The following CALN1 variants were observed in gnomAD, a reference collection of about 807,000 sequenced individuals.
The protein encoded by CALN1 is calneuron 1, also known as calcium-binding protein 8.
CALN1 carries 17 observed loss-of-function variants against 30.6 expected under a neutral mutation model. That is an observed-to-expected ratio of 0.56 (90% confidence interval 0.38 to 0.83). The LOEUF (loss-of-function observed/expected upper bound fraction) is 0.83, where lower values mean the gene tolerates loss of function less well. Among genes scored for constraint, CALN1 ranks in the 40% least tolerant of loss-of-function variants. The pLI is 0.00. For synonymous variants in CALN1, 156 were observed against 131.4 expected, an observed-to-expected ratio of 1.19 and a Z score of -1.28; for missense variants, 291 against 354.9, an observed-to-expected ratio of 0.82 and a Z score of 1.45.
intron 2 of CALN1, among the ~76,000 whole-genome samples, chr7:72,359,253 G>A (rs765742302): frequency 3.3e-5 from 5 of 151,994 alleles, no homozygotes; most frequent in East Asian, 3.9e-4. Context: ...CTCCCCGACC[G>A]CGTTCTCAAT....
chr7:71,830,033 C>CTTTT (rs67629864), intron 5 of CALN1, among the ~76,000 whole-genome samples: 1 of 136,716 alleles, frequency 7.3e-6, no homozygotes, highest in African/African-American at 2.7e-5. Context: ...GAGTAAGTTC[C>CTTTT]TTTTTTTTTT....
At chr7:71,863,788 T>G (rs1350896773) in intron 5 of CALN1, among the ~76,000 whole-genome samples, 2 of 152,244 alleles carry the variant, frequency 1.3e-5, no homozygotes, top group African/African-American at 2.4e-5. Context: ...CTCTTCCCTG[T>G]GTTCTCATGA....
At chr7:71,802,412 C>G (rs1005250596) in intron 6 of CALN1, among the ~76,000 whole-genome samples, 1 of 152,180 alleles carries the variant, frequency 6.6e-6, no homozygotes. Flanking sequence ...TGAATGGGTA[C>G]TTTCAGTAGA....
chr7:72,288,398 T>C (rs1256160981), intron 2 of CALN1, among the ~76,000 whole-genome samples: 1 of 152,198 alleles, frequency 6.6e-6, no homozygotes, highest in East Asian at 1.9e-4. Flanking sequence ...GGGGCTCTTA[T>C]GACTTGGTCT....
At chr7:72,037,790 A>G (rs909440367) in intron 4 of CALN1, among the ~76,000 whole-genome samples, 7 of 151,966 alleles carry the variant, frequency 4.6e-5, no homozygotes, top group Non-Finnish European at 8.8e-5. Flanking sequence ...TATGCCAATG[A>G]TCAATCTGAC....
At chr7:71,949,114 C>T (rs899590828) in intron 5 of CALN1, among the ~76,000 whole-genome samples, 2 of 146,838 alleles carry the variant, frequency 1.4e-5, no homozygotes, top group Non-Finnish European at 3.0e-5. Flanking sequence ...TATGACAGTG[C>T]GGTCTGGACT....
chr7:72,166,163 G>A (rs140962899), intron 3 of CALN1, among the ~76,000 whole-genome samples: 1 of 152,214 alleles, frequency 6.6e-6, no homozygotes, highest in Non-Finnish European at 1.5e-5. Flanking sequence ...GGTGTCTCAG[G>A]AGGTGAAGGT....
chr7:72,344,726 G>A (rs1232167514), intron 2 of CALN1, among the ~76,000 whole-genome samples: 4 of 143,390 alleles, frequency 2.8e-5, no homozygotes, highest in Non-Finnish European at 4.6e-5. Flanking sequence ...TTATATAAAT[G>A]GCTTTTTATA....
rs939211725 is a variant in CALN1, at chr7:72,151,915, T to G, written c.245-45621A>C. 2.7e-5 allele frequency among the ~76,000 whole-genome samples: 4 copies of G among 149,866 alleles called. No individual in the cohort carries two copies. In the East Asian group the frequency reaches 7.8e-4, roughly 29 times the overall value. ...ATTTTTATTTTTATTCTTTTCTTTT[T>G]TTTTTTTTTTCAAGACAGAATCTCG... On this transcript the variant is annotated intron_variant, in intron 3 of 6. Transcript: ENST00000395275.
upstream of CALN1, among the ~76,000 whole-genome samples, chr7:72,449,486 C>A (rs1808612998): frequency 1.3e-5 from 2 of 152,280 alleles, no homozygotes; most frequent in South Asian, 4.1e-4. Flanking sequence ...CCCAGCAAAC[C>A]TCCCTCTGTG....
At chr7:72,146,188 C>G (rs1217098004) in intron 3 of CALN1, among the ~76,000 whole-genome samples, 2 of 152,130 alleles carry the variant, frequency 1.3e-5, no homozygotes, top group African/African-American at 2.4e-5. Context: ...AATTGTCCCT[C>G]TTTGCAGATG....
At chr7:72,192,513 T>C (rs1790681735) in intron 3 of CALN1, among the ~76,000 whole-genome samples, 2 of 152,076 alleles carry the variant, frequency 1.3e-5, no homozygotes, top group African/African-American at 4.8e-5. Flanking sequence ...GTTATCACGA[T>C]GGATTGTGAT....
At chr7:71,861,040 C>T (rs923219954) in intron 5 of CALN1, among the ~76,000 whole-genome samples, 1 of 152,134 alleles carries the variant, frequency 6.6e-6, no homozygotes, top group Non-Finnish European at 1.5e-5. Context: ...AGGTCAGATA[C>T]AGAGAGGCAG....
chr7:71,999,575 A>G (rs1799425058), intron 5 of CALN1, among the ~76,000 whole-genome samples: 1 of 151,792 alleles, frequency 6.6e-6, no homozygotes, highest in African/African-American at 2.4e-5. Context: ...GTGCAGTGGC[A>G]TAATCTTGGC....
At chr7:72,045,389 T>C (rs1802401677) in intron 4 of CALN1, among the ~76,000 whole-genome samples, 2 of 152,132 alleles carry the variant, frequency 1.3e-5, no homozygotes, top group Non-Finnish European at 2.9e-5. Flanking sequence ...ATCCATTTCC[T>C]CTCCCTTCCT....
At chr7:72,078,903 TG>T (rs1563037857) in intron 4 of CALN1, among the ~76,000 whole-genome samples, 1 of 152,092 alleles carries the variant, frequency 6.6e-6, no homozygotes, top group Non-Finnish European at 1.5e-5. Context: ...AACTACAGCC[TG>T]GGTGATAGAG....
rs370221416 is a variant in CALN1 at position 71,858,818 on chromosome 7, T to C, written c.502-48326A>G. Among the ~76,000 whole-genome samples the C allele has an allele frequency of 5.3e-5, 8 of 152,274 alleles. No individual in the cohort carries two copies. The East Asian group carries it at 1.4e-3, about 26-fold the overall frequency. ...CATTTTACACATACTGATTGATGTC[T>C]CGTGTCTCCCTAAAATGTATAAAAC... On this transcript the variant is annotated intron_variant, in intron 5 of 6. Transcript: ENST00000395275.
At chr7:72,328,987 G>A (rs1801477245) in intron 2 of CALN1, among the ~76,000 whole-genome samples, 1 of 152,218 alleles carries the variant, frequency 6.6e-6, no homozygotes, top group Non-Finnish European at 1.5e-5. Flanking sequence ...GTAAGCCAAC[G>A]TGCCCAGCCC....
chr7:71,842,125 T>C (rs1191989799), intron 5 of CALN1, among the ~76,000 whole-genome samples: 1 of 152,012 alleles, frequency 6.6e-6, no homozygotes, highest in Non-Finnish European at 1.5e-5. Context: ...AGGCTGGAGA[T>C]AGCTAGATAC....
Sources: gnomAD v4.1 joint callset for allele counts (sites outside exome capture counted in the v4.1 genomes callset) on GRCh38, gnomAD v4.1.1 for gene constraint, MANE v1.5 for transcripts, NCBI Gene and HGNC (gene_info 2026-07-23, HGNC 2026-07-21) for gene names.